TAFA4: variants seen among roughly 807,000 people sequenced by gnomAD.
TAFA4 encodes the protein TAFA chemokine like family member 4, also known as chemokine-like protein TAFA-4.
A neutral mutation model predicts 21.1 loss-of-function variants in TAFA4; 20 were observed. The ratio of observed to expected loss-of-function variants is 0.95; its 90% confidence interval spans 0.67 to 1.38. The LOEUF is 1.38. TAFA4 is among the 40% of genes most tolerant of loss of function. The pLI is 0.00. For missense variants in TAFA4, 211 were observed against 180.9 expected (o/e 1.17, Z -0.95); for synonymous variants, 71 against 67.4 (o/e 1.05, Z -0.26).
At chr3:68,825,877 A>G (rs1191116173) in intron 3 of TAFA4, among the ~76,000 whole-genome samples, 6 of 152,340 alleles carry the variant, frequency 3.9e-5, no homozygotes, top group Non-Finnish European at 8.8e-5. Flanking sequence ...AAGAGGGAAT[A>G]AGTAAAACTT....
intron 1 of TAFA4, among the ~76,000 whole-genome samples, chr3:68,916,855 G>A (rs1001150431): frequency 1.3e-5 from 2 of 152,102 alleles, no homozygotes; most frequent in African/African-American, 2.4e-5. Context: ...TCCAGAAAGG[G>A]CTCTACCCCT....
chr3:68,758,055 AGAGATTGAGAAGAGGT>A (rs1245830493), intron 3 of TAFA4, among the ~76,000 whole-genome samples: 1 of 152,188 alleles, frequency 6.6e-6, no homozygotes, highest in Admixed American at 6.5e-5. Context: ...CCTCATAACT[AGAGATTGAGAAGAGGT>A]GAGATTCAAA....
At chr3:68,788,619 T>A (rs115483667) in intron 3 of TAFA4, among the ~76,000 whole-genome samples, 2,595 of 148,216 alleles carry the variant, frequency 0.018, 76 homozygotes, top group African/African-American at 0.063. Context: ...GTTTACATAT[T>A]TTTTTTTTAA....
intron 3 of TAFA4, among the ~76,000 whole-genome samples, chr3:68,771,004 C>A (rs376887430): frequency 6.6e-6 from 1 of 152,184 alleles, no homozygotes; most frequent in Non-Finnish European, 1.5e-5. Context: ...AGACCAACAA[C>A]AGCAGAACGA....
intron 3 of TAFA4, among the ~76,000 whole-genome samples, chr3:68,855,085 C>T (rs1414363479): frequency 3.9e-5 from 6 of 152,092 alleles, no homozygotes; most frequent in Admixed American, 3.3e-4. Flanking sequence ...TGTATGAAAG[C>T]TAAGTAAGAA....
At chr3:68,876,738 GA>G (rs71819894) in intron 3 of TAFA4, among the ~76,000 whole-genome samples, 2 of 148,716 alleles carry the variant, frequency 1.3e-5, no homozygotes, top group East Asian at 3.9e-4. Flanking sequence ...ATTTATAACA[GA>G]AAAAAAAACA....
At chr3:68,847,352 A>T (rs1401929868) in intron 3 of TAFA4, among the ~76,000 whole-genome samples, 1 of 152,200 alleles carries the variant, frequency 6.6e-6, no homozygotes, top group Non-Finnish European at 1.5e-5. Context: ...CTCAGTAATG[A>T]CGGATGCCCC....
At chr3:68,775,253 C>T (rs985572943) in intron 3 of TAFA4, among the ~76,000 whole-genome samples, 1 of 152,076 alleles carries the variant, frequency 6.6e-6, no homozygotes. Flanking sequence ...CATGAGAAAG[C>T]TTGGGGACAG....
At chr3:68,755,294 A>C (rs964662361) in intron 3 of TAFA4, among the ~76,000 whole-genome samples, 6 of 152,204 alleles carry the variant, frequency 3.9e-5, no homozygotes, top group Non-Finnish European at 5.9e-5. Flanking sequence ...GAACAACAGA[A>C]ACTGATTTGA....
intron 3 of TAFA4, among the ~76,000 whole-genome samples, chr3:68,798,260 C>A (rs1226939476): frequency 1.3e-5 from 2 of 152,052 alleles, no homozygotes; most frequent in Admixed American, 1.3e-4. Flanking sequence ...AGAGATAATG[C>A]AGAAATGAAA....
At position 68,927,149 on chromosome 3, in the gene TAFA4, G is replaced by A. The variant is rs544542156; in HGVS notation, c.-123+5091C>T. 3.9e-5 allele frequency among the ~76,000 whole-genome samples: 6 copies of A among 152,304 alleles called. 1 individual carries two copies. The highest frequency in any genetic ancestry group is 1.3e-4 in the Admixed American group (2 of 15,298). ...AAGTTTCCCCTCCACTTCGTGGTCT[G>A]TAAGTTTCTTCCTTGCTGAAAACCT... On this transcript the variant is annotated intron_variant, in intron 1 of 5. Coordinates refer to ENST00000295569, the MANE Select transcript of TAFA4 (RefSeq NM_182522.5).
At chr3:68,741,636 T>TA (rs1424110535) in intron 4 of TAFA4, among the ~76,000 whole-genome samples, 30 of 151,176 alleles carry the variant, frequency 2.0e-4, no homozygotes, top group African/African-American at 6.1e-4. Context: ...GTACTAAAAA[T>TA]AAAAAAAAGC....
intron 3 of TAFA4, among the ~76,000 whole-genome samples, chr3:68,855,683 T>C (rs1346858171): frequency 6.6e-6 from 1 of 152,058 alleles, no homozygotes; most frequent in African/African-American, 2.4e-5. Context: ...TATATATGTA[T>C]ATACGTGTAT....
chr3:68,917,140 T>C (rs1000695564), intron 1 of TAFA4, among the ~76,000 whole-genome samples: 3 of 152,174 alleles, frequency 2.0e-5, no homozygotes, highest in African/African-American at 4.8e-5. Context: ...GTCTCCAGCA[T>C]GGGCCCTTTC....
At chr3:68,771,069 G>A (rs1702947961) in intron 3 of TAFA4, among the ~76,000 whole-genome samples, 1 of 152,058 alleles carries the variant, frequency 6.6e-6, no homozygotes. Flanking sequence ...TCCAGCCCCT[G>A]GGTGGCCTGT....
chr3:68,757,591 T>C (rs1316670921), intron 3 of TAFA4, among the ~76,000 whole-genome samples: 1 of 152,232 alleles, frequency 6.6e-6, no homozygotes, highest in Admixed American at 6.5e-5. Context: ...AGTAATGCTA[T>C]GATTTACTTA....
At chr3:68,849,119 T>C (rs1319586133) in intron 3 of TAFA4, among the ~76,000 whole-genome samples, 3 of 152,208 alleles carry the variant, frequency 2.0e-5, no homozygotes, top group Non-Finnish European at 2.9e-5. Context: ...TTGTCTCTTC[T>C]AGCAGTAAGA....
At chr3:68,780,353 G>A (rs1271737247) in intron 3 of TAFA4, among the ~76,000 whole-genome samples, 4 of 152,196 alleles carry the variant, frequency 2.6e-5, no homozygotes, top group Admixed American at 2.0e-4. Context: ...GTGAGGACAT[G>A]AGAATTGCGG....
intron 3 of TAFA4, 27 bp downstream of exon 3, chr3:68,880,703 A>T (rs1363531954): frequency 6.3e-7 from 1 of 1,578,962 alleles, no homozygotes; most frequent in Admixed American, 1.7e-5. Flanking sequence ...TTATCTCAGC[A>T]GTGCATAATG....
Sources: allele counts gnomAD v4.1 joint callset (sites outside exome capture counted in the v4.1 genomes callset), GRCh38; gene constraint gnomAD v4.1.1; transcripts MANE v1.5; gene names NCBI Gene and HGNC (gene_info 2026-07-23, HGNC 2026-07-21).